MPHOSPH8: variants seen among roughly 807,000 people sequenced by gnomAD.
The protein encoded by MPHOSPH8 is M-phase phosphoprotein 8, also known as M-phase phosphoprotein, mpp.
In MPHOSPH8, 45 loss-of-function variants were observed where a neutral mutation model predicts 87.3. That is an observed-to-expected ratio of 0.52 (90% confidence interval 0.41 to 0.66). MPHOSPH8 has a LOEUF of 0.66. Among genes scored for constraint, MPHOSPH8 ranks in the 30% least tolerant of loss-of-function variants. The pLI, the probability that MPHOSPH8 is intolerant of heterozygous loss-of-function variation, is 0.00. For synonymous variants in MPHOSPH8, 366 were observed against 376.9 expected (o/e 0.97, Z 0.33); for missense variants, 883 against 1,020.2 (o/e 0.87, Z 1.83).
At chr13:19,660,121 C>T (rs567740331) in intron 7 of MPHOSPH8, among the ~76,000 whole-genome samples, 81 of 150,568 alleles carry the variant, frequency 5.4e-4, no homozygotes, top group African/African-American at 2.0e-3. Context: ...CCACCTCGCC[C>T]GGCTAATTTT....
Position 19,670,292 on chromosome 13 carries a change from G to A in MPHOSPH8, c.2386G>A (p.Ala796Thr). 2 of 1,614,118 alleles carry A rather than the reference G, an allele frequency of 1.2e-6. No homozygotes were observed. Among genetic ancestry groups the A allele is most frequent in the Non-Finnish European group, 1.7e-6 (2 of 1,179,974 alleles). Residue 796 changes from alanine (A) to threonine (T), a missense_variant, in exon 12 of 14, where the codon GCT becomes ACT. Ala to Thr is a moderately conservative substitution (Grantham distance 58). Transcript: ENST00000361479. ...AAACTTTTTGGGTAAAGAAGTTATT[G>A]CTCGGCTCTGTGGACCGTGTAGTGT... The part of the protein sequence containing the change: ...HANFLGKEVI[A>T]RLCGPCSVQA...
chr13:19,669,683 G>A (rs1397485305), intron 11 of MPHOSPH8, among the ~76,000 whole-genome samples: 5 of 151,632 alleles, frequency 3.3e-5, no homozygotes, highest in Admixed American at 1.3e-4. Flanking sequence ...TAAATTTTGT[G>A]TTCTTAGTAG....
rs575123228 is a variant in MPHOSPH8 at position 19,643,529 on chromosome 13, T to C, written c.369+1259T>C. The stretch of plus-strand genomic sequence containing the variant: ...CCAAAGTGTTGGTTGGGATTACAGG[T>C]GTGAGCCACTGTGCCCGACCTGATT... On this transcript the variant is annotated intron_variant, in intron 2 of 13. Coordinates refer to ENST00000361479, the MANE Select transcript of MPHOSPH8 (RefSeq NM_017520.4). Among the ~76,000 whole-genome samples the C allele has an allele frequency of 2.6e-5, 4 of 152,280 alleles. No individual in the cohort carries two copies. In the East Asian group the frequency reaches 7.7e-4, roughly 29 times the overall value.
At position 19,668,423 on chromosome 13, in the gene MPHOSPH8, C is replaced by T. The variant is rs753982361; in HGVS notation, c.2221C>T (p.Arg741Cys). The T allele has an allele frequency of 3.1e-6, 5 of 1,614,046 alleles. No homozygotes were observed. The highest frequency in any genetic ancestry group is 4.2e-6 in the Non-Finnish European group (5 of 1,179,956). Residue 741 changes from arginine to cysteine, a missense_variant, in exon 11 of 14, where the codon CGC (arginine) becomes TGC (cysteine). This residue lies in a region of MPHOSPH8 where 741 missense variants were observed against 841.5 expected (regional missense o/e 0.88). Transcript: ENST00000361479. ...EETIKDYFEA[R>C]LALLEPVFPI... is the part of the protein sequence containing the mutation. ...GACAATAAAGGATTACTTTGAAGCT[C>T]GCCTTGCTCTGCTAGAACCAGTTTT...
rs1485313735 is a variant in MPHOSPH8 at position 19,672,919 on chromosome 13, G to A, written c.*1044G>A. On this transcript the variant is annotated 3_prime_UTR_variant, in exon 14 of 14. Coordinates refer to ENST00000361479, the MANE Select transcript of MPHOSPH8 (RefSeq NM_017520.4). ...TTCAAGACCAGCCTGGGTAACATGG[G>A]GTGGAACAAGCCTGTAGTCCCAGAT... 2.7e-6 allele frequency: 1 copy of A among 364,696 alleles called. No individual in the cohort carries two copies. Among genetic ancestry groups the A allele is most frequent in the Non-Finnish European group, 5.3e-6 (1 of 188,820 alleles). 22.6% of individuals were successfully genotyped at this position (364,696 alleles called of 1,614,324 possible).
chr13:19,665,245 TG>T, intron 9 of MPHOSPH8, among the ~76,000 whole-genome samples: 1 of 152,254 alleles, frequency 6.6e-6, no homozygotes, highest in East Asian at 1.9e-4. Flanking sequence ...TGTTTGTTCC[TG>T]AAAAGCTGTA....
At chr13:19,669,698 G>A (rs963486520) in intron 11 of MPHOSPH8, among the ~76,000 whole-genome samples, 3 of 151,532 alleles carry the variant, frequency 2.0e-5, no homozygotes, top group Non-Finnish European at 4.4e-5. Context: ...TAGTAGAGAT[G>A]GGGGTTTCAC....
rs750322688 is a variant in MPHOSPH8, at chr13:19,646,592, A to G, written c.519A>G (p.Ala173=). The G allele has an allele frequency of 3.8e-6, 6 of 1,582,846 alleles. No individual in the cohort carries two copies. The highest frequency in any genetic ancestry group is 5.1e-6 in the Non-Finnish European group (6 of 1,172,914). Reference sequence around the variant, plus strand: ...CAGATGATCTGAAAAAGAAAAAAGCAAAGGCCGGGAAGCTAAAAGACAAGT... The same window carrying G: ...CAGATGATCTGAAAAAGAAAAAAGCGAAGGCCGGGAAGCTAAAAGACAAGT... ...KSPDDLKKKK[A]KAGKLKDKSK... The change falls in exon 3 of 14, where the codon GCA becomes GCG. Residue 173 remains alanine (A), a synonymous_variant. Transcript: ENST00000361479.
At chr13:19,641,993 A>G (rs903566010) in intron 1 of MPHOSPH8, 122 bp from the exon 2 acceptor site, 1 of 872,804 alleles carries the variant, frequency 1.1e-6, no homozygotes, top group African/African-American at 1.8e-5. Flanking sequence ...GAATGTGAAA[A>G]TTTCCACTTA....
chr13:19,661,269 C>T (rs1319450708), intron 7 of MPHOSPH8, among the ~76,000 whole-genome samples: 1 of 152,160 alleles, frequency 6.6e-6, no homozygotes, highest in African/African-American at 2.4e-5. Context: ...AATAGCATTA[C>T]ATCTTTTAAA....
chr13:19,659,114 C>T lies in MPHOSPH8; in HGVS notation c.1696C>T (p.Pro566Ser), dbSNP rs776704913. The T allele has an allele frequency of 8.1e-6, 13 of 1,613,522 alleles. No individual in the cohort carries two copies. Among genetic ancestry groups the T allele is most frequent in the Non-Finnish European group, 1.7e-6 (2 of 1,179,928 alleles). Reference protein sequence around the residue: ...DENFAATDAIPSNVLRDAVKN... With the variant: ...DENFAATDAISSNVLRDAVKN... Reference sequence around the variant, plus strand: ...GAATTTTGCTGCAACAGATGCAATTCCAAGTAGTGAGTAGTTTTGGAAATA... The same window carrying T: ...GAATTTTGCTGCAACAGATGCAATTTCAAGTAGTGAGTAGTTTTGGAAATA... The change falls in exon 6 of 14, where the codon CCA becomes TCA. Residue 566 changes from proline to serine, a missense_variant. Pro to Ser is a moderately conservative substitution (Grantham distance 74). Around this residue, in one of 3 missense-constraint regions of MPHOSPH8, gnomAD observed 741 missense variants for 841.5 expected, o/e 0.88. Coordinates refer to ENST00000361479, the MANE Select transcript of MPHOSPH8 (RefSeq NM_017520.4).
At chr13:19,667,845 C>T (rs144493824) in intron 10 of MPHOSPH8, among the ~76,000 whole-genome samples, 219 of 152,262 alleles carry the variant, frequency 1.4e-3, no homozygotes, top group Non-Finnish European at 2.7e-3. Context: ...CTCTTGGCAA[C>T]ACATATCAGA....
Position 19,670,290 on chromosome 13 carries a change from T to A in MPHOSPH8, c.2384T>A (p.Ile795Asn). ...FHANFLGKEV[I>N]ARLCGPCSVQ... Reference sequence around the variant, plus strand: ...GCAAACTTTTTGGGTAAAGAAGTTATTGCTCGGCTCTGTGGACCGTGTAGT... The same window carrying A: ...GCAAACTTTTTGGGTAAAGAAGTTAATGCTCGGCTCTGTGGACCGTGTAGT... Residue 795 changes from isoleucine to asparagine, a missense_variant, in exon 12 of 14, where the codon ATT (isoleucine) becomes AAT (asparagine). Ile to Asn is a moderately radical substitution (Grantham distance 149). Coordinates refer to ENST00000361479, the MANE Select transcript of MPHOSPH8 (RefSeq NM_017520.4). The A allele has an allele frequency of 6.2e-7, 1 of 1,614,202 alleles. No homozygotes were observed. Among genetic ancestry groups the A allele is most frequent in the Non-Finnish European group, 8.5e-7 (1 of 1,179,990 alleles).
At chr13:19,649,640 A>C (rs1215729103) in intron 4 of MPHOSPH8, among the ~76,000 whole-genome samples, 1 of 152,224 alleles carries the variant, frequency 6.6e-6, no homozygotes, top group Non-Finnish European at 1.5e-5. Flanking sequence ...ACAAGCTTCA[A>C]CATCCAGCTA....
chr13:19,643,152 C>T (rs148658100), intron 2 of MPHOSPH8, among the ~76,000 whole-genome samples: 2,109 of 152,272 alleles, frequency 0.014, 27 homozygotes, highest in Middle Eastern at 0.024. Flanking sequence ...GGCCAGACCC[C>T]TAAACAGTTA....
intron 9 of MPHOSPH8, among the ~76,000 whole-genome samples, chr13:19,665,880 G>C (rs1357594052): frequency 6.6e-6 from 1 of 152,226 alleles, no homozygotes; most frequent in Non-Finnish European, 1.5e-5. Flanking sequence ...TCGTACATTT[G>C]CAGGTTCAGA....
At chr13:19,659,688 T>C in intron 7 of MPHOSPH8, 4 of 426,658 alleles carry the variant, frequency 9.4e-6, no homozygotes, top group Admixed American at 2.8e-5. Flanking sequence ...ATAATGCACG[T>C]TCACTTTGTA....
chr13:19,646,916 G>C lies in MPHOSPH8; in HGVS notation c.843G>C (p.Gly281=). 1.2e-6 allele frequency: 2 copies of C among 1,601,878 alleles called. No individual in the cohort carries two copies. The highest frequency in any genetic ancestry group is 1.7e-6 in the Non-Finnish European group (2 of 1,177,226). Residue 281 remains glycine, a synonymous_variant, in exon 3 of 14, where the codon GGG becomes GGC. Coordinates refer to ENST00000361479, the MANE Select transcript of MPHOSPH8 (RefSeq NM_017520.4). ...DSPFPEDDSE[G]LHSDSREEKQ... ...CCTTTCCAGAGGATGACAGTGAAGG[G>C]CTACATTCCGACAGCAGAGAAGAGA...
intron 1 of MPHOSPH8, among the ~76,000 whole-genome samples, chr13:19,634,171 T>G (rs1262913106): frequency 6.6e-6 from 1 of 152,066 alleles, no homozygotes; most frequent in Non-Finnish European, 1.5e-5. Context: ...TTCAGCAAAT[T>G]TTGGAGGATT....
Sources: allele counts gnomAD v4.1 joint callset (sites outside exome capture counted in the v4.1 genomes callset), GRCh38; gene constraint gnomAD v4.1.1; regional missense constraint gnomAD v4.1.1; transcripts MANE v1.5; gene names NCBI Gene and HGNC (gene_info 2026-07-23, HGNC 2026-07-21).